SYN3: variants seen among roughly 807,000 people sequenced by gnomAD.
SYN3 encodes the protein synapsin-3.
SYN3 carries 35 observed loss-of-function variants against 65.8 expected under a neutral mutation model. That is an observed-to-expected ratio of 0.53 (90% confidence interval 0.41 to 0.70). The LOEUF (loss-of-function observed/expected upper bound fraction) is 0.70. SYN3 is among the 30% of genes least tolerant of loss of function. The probability of loss-of-function intolerance (pLI) is 0.00; values close to 1 mark genes in which losing one functional copy is unlikely to be tolerated. For missense variants in SYN3, 680 were observed against 749.0 expected (o/e 0.91, Z 1.08); for synonymous variants, 270 against 292.9 (o/e 0.92, Z 0.80).
Position 32,846,117 on chromosome 22 carries a change from T to C in SYN3, c.711+18798A>G, listed in dbSNP as rs534956797. Among the ~76,000 whole-genome samples, 76 of 152,378 alleles carry C rather than the reference T, an allele frequency of 5.0e-4. 1 individual carries two copies. Among genetic ancestry groups the C allele is most frequent in the Middle Eastern group, 3.4e-3 (1 of 294 alleles). ...GTAAGGAAAACACTGATGTGGCCTC[T>C]TCACTGGGCCATCTCTGCCTCAGAC... On this transcript the variant is annotated intron_variant, in intron 6 of 13. Coordinates refer to ENST00000358763, the MANE Select transcript of SYN3 (RefSeq NM_003490.4).
chr22:32,636,979 C>T (rs1265496104), intron 6 of SYN3, among the ~76,000 whole-genome samples: 13 of 152,170 alleles, frequency 8.5e-5, no homozygotes, highest in Admixed American at 7.2e-4. Flanking sequence ...GCCACTCCAC[C>T]CTGTCCCGCC....
Position 32,576,483 on chromosome 22 carries a change from A to G in SYN3, c.774+20191T>C, listed in dbSNP as rs1167901347. On this transcript the variant is annotated intron_variant, in intron 7 of 13. Coordinates refer to ENST00000358763, the MANE Select transcript of SYN3 (RefSeq NM_003490.4). The stretch of plus-strand genomic sequence containing the variant: ...GGGCCTGGCACCTAGTATGCGGTCA[A>G]TAAATACACGGTTTATGATGGTGAC... Among the ~76,000 whole-genome samples, 3 of 152,222 alleles carry G rather than the reference A, an allele frequency of 2.0e-5. No individual in the cohort carries two copies. The East Asian group carries it at 5.8e-4, about 29-fold the overall frequency.
intron 6 of SYN3, among the ~76,000 whole-genome samples, chr22:32,664,577 T>C (rs1050062262): frequency 2.8e-5 from 4 of 143,894 alleles, no homozygotes; most frequent in African/African-American, 7.9e-5. Flanking sequence ...CTGTACTCAA[T>C]TGGTCGCTTT....
At chr22:32,641,405 G>C (rs1421111247) in intron 6 of SYN3, among the ~76,000 whole-genome samples, 2 of 151,900 alleles carry the variant, frequency 1.3e-5, no homozygotes, top group African/African-American at 4.8e-5. Flanking sequence ...TCAGGAGATC[G>C]AGACCATTCT....
intron 7 of SYN3, among the ~76,000 whole-genome samples, chr22:32,568,125 A>T (rs2058698919): frequency 6.6e-6 from 1 of 152,186 alleles, no homozygotes; most frequent in South Asian, 2.1e-4. Context: ...CTTTGCTCCT[A>T]GCTGCTGTGG....
intron 6 of SYN3, among the ~76,000 whole-genome samples, chr22:32,653,773 G>C (rs1239588284): frequency 1.3e-5 from 2 of 152,140 alleles, no homozygotes; most frequent in African/African-American, 2.4e-5. Flanking sequence ...TGAGAAAATG[G>C]TTCAACTTCT....
intron 12 of SYN3, among the ~76,000 whole-genome samples, chr22:32,522,732 T>C (rs2057907603): frequency 6.6e-6 from 1 of 152,370 alleles, no homozygotes; most frequent in South Asian, 2.1e-4. Context: ...TCTGATGCCT[T>C]GCTAATTGCT....
intron 6 of SYN3, among the ~76,000 whole-genome samples, chr22:32,857,659 G>A (rs1270965924): frequency 1.3e-5 from 2 of 152,160 alleles, no homozygotes; most frequent in African/African-American, 4.8e-5. Flanking sequence ...CACTCGACCT[G>A]TTAGGCCCGT....
rs34710233 is a variant in SYN3, at chr22:32,521,442, ATTTTTT to A, written c.1319-3114_1319-3109del. On this transcript the variant is annotated intron_variant, in intron 12 of 13. Transcript: ENST00000358763. ...CTAGATGTTTAAGCAACACCTCTTG[ATTTTTT>A]TTTTTTTTTTTTTTGAGACGGAGTC... Among the ~76,000 whole-genome samples the A allele has an allele frequency of 2.8e-4, 34 of 119,760 alleles. 1 individual carries two copies. Among genetic ancestry groups the A allele is most frequent in the South Asian group, 8.3e-4 (3 of 3,632 alleles). The allele number at this position is 119,760 out of a possible 152,430, so 78.6% of individuals were successfully genotyped here. A position where few individuals can be genotyped will look rare whatever the true frequency, so the allele number is the denominator to read the frequency against.
intron 6 of SYN3, among the ~76,000 whole-genome samples, chr22:32,737,152 C>G (rs900726699): frequency 1.3e-5 from 2 of 152,186 alleles, no homozygotes; most frequent in Non-Finnish European, 2.9e-5. Flanking sequence ...ATAGAACAGT[C>G]TTAATAGGTC....
At chr22:33,006,249 C>T in intron 2 of SYN3, 103 bp downstream of exon 2, 1 of 1,364,628 alleles carries the variant, frequency 7.3e-7, no homozygotes, top group Non-Finnish European at 1.0e-6. Context: ...CTGATAGCAC[C>T]CAAGCCTCTC....
chr22:32,745,662 G>GC (rs774905639), intron 6 of SYN3, among the ~76,000 whole-genome samples: 14 of 152,144 alleles, frequency 9.2e-5, no homozygotes, highest in Non-Finnish European at 1.6e-4. Context: ...GAGCCTTCCT[G>GC]GGAGGGGAAG....
rs58502613 is a variant in SYN3 at position 33,031,812 on chromosome 22, A to C, written c.-162-24988T>G. On this transcript the variant is annotated intron_variant, in intron 1 of 13. Transcript: ENST00000358763. ...GCCAAGAGGACCCCAGAGAAACCTG[A>C]AAAACTGAATTCCTGGCTGTGATGG... Among the ~76,000 whole-genome samples the C allele has an allele frequency of 5.3e-3, 803 of 152,202 alleles. 9 individuals carry two copies. The highest frequency in any genetic ancestry group is 0.018 in the African/African-American group (768 of 41,532).
intron 6 of SYN3, among the ~76,000 whole-genome samples, chr22:32,693,370 G>C (rs2060692360): frequency 6.6e-6 from 1 of 152,148 alleles, no homozygotes; most frequent in Non-Finnish European, 1.5e-5. Context: ...TGGGAGAACA[G>C]AGCTGGACAG....
At chr22:32,725,645 G>T (rs913924206) in intron 6 of SYN3, among the ~76,000 whole-genome samples, 12 of 152,226 alleles carry the variant, frequency 7.9e-5, no homozygotes, top group Admixed American at 7.2e-4. Flanking sequence ...TGAGGCAGGG[G>T]CCATGAGCCA....
intron 9 of SYN3, among the ~76,000 whole-genome samples, chr22:32,534,306 T>G (rs1485657570): frequency 6.6e-6 from 1 of 152,128 alleles, no homozygotes; most frequent in Non-Finnish European, 1.5e-5. Context: ...CAGCCACCCC[T>G]GTGTCCCTTT....
Position 32,585,984 on chromosome 22 carries a change from A to C in SYN3, c.774+10690T>G, listed in dbSNP as rs1363715896. Among the ~76,000 whole-genome samples, 13 of 82,346 alleles carry C rather than the reference A, an allele frequency of 1.6e-4. No homozygotes were observed. The South Asian group carries it at 1.8e-3, about 12-fold the overall frequency. 54.0% of individuals were successfully genotyped at this position (82,346 alleles called of 152,430 possible). ...TATATACGTATATATGTATATATGTATGTATACGTATATATGTATGTATGT... is the reference window on the plus strand; with the variant it reads ...TATATACGTATATATGTATATATGTCTGTATACGTATATATGTATGTATGT... On this transcript the variant is annotated intron_variant, in intron 7 of 13. Coordinates refer to ENST00000358763, the MANE Select transcript of SYN3 (RefSeq NM_003490.4).
chr22:32,565,922 C>T (rs9609595), intron 7 of SYN3, among the ~76,000 whole-genome samples: 10,798 of 151,980 alleles, frequency 0.071, 525 homozygotes, highest in South Asian at 0.1. Context: ...TCATGTTAAC[C>T]AGGATGGTCT....
At chr22:32,918,283 G>A (rs1312604512) in intron 4 of SYN3, among the ~76,000 whole-genome samples, 1 of 152,220 alleles carries the variant, frequency 6.6e-6, no homozygotes, top group Non-Finnish European at 1.5e-5. Context: ...GACGGGGGAA[G>A]TAAATAATAA....
Sources: allele counts gnomAD v4.1 joint callset (sites outside exome capture counted in the v4.1 genomes callset), GRCh38; gene constraint gnomAD v4.1.1; transcripts MANE v1.5; gene names NCBI Gene and HGNC (gene_info 2026-07-23, HGNC 2026-07-21).